SLIT3: variants seen among roughly 807,000 people sequenced by gnomAD.
The protein encoded by SLIT3 is slit homolog 3 protein.
A neutral mutation model predicts 184.0 loss-of-function variants in SLIT3; 68 were observed. That is an observed-to-expected ratio of 0.37 (90% CI 0.30 to 0.45). The LOEUF (loss-of-function observed/expected upper bound fraction) is 0.45. Among genes scored for constraint, SLIT3 ranks in the 20% least tolerant of loss-of-function variants. The probability of loss-of-function intolerance (pLI) is 1.00; values close to 1 mark genes in which losing one functional copy is unlikely to be tolerated. For synonymous variants in SLIT3, 831 were observed against 828.6 expected (o/e 1.00, Z -0.05); for missense variants, 1,707 against 2,026.0 (o/e 0.84, Z 3.02).
At chr5:168,761,640 G>T (rs1345782461) in intron 15 of SLIT3, among the ~76,000 whole-genome samples, 1 of 152,148 alleles carries the variant, frequency 6.6e-6, no homozygotes, top group Non-Finnish European at 1.5e-5. Flanking sequence ...ATCTTAGGAA[G>T]CCTGCCAGAG....
chr5:169,110,452 G>A (rs1482115256), intron 4 of SLIT3, among the ~76,000 whole-genome samples: 1 of 152,106 alleles, frequency 6.6e-6, no homozygotes, highest in Non-Finnish European at 1.5e-5. Flanking sequence ...TCTGTTGCAG[G>A]CCTCTCTCCT....
chr5:169,146,999 C>G (rs552571471), intron 4 of SLIT3, among the ~76,000 whole-genome samples: 2 of 152,296 alleles, frequency 1.3e-5, no homozygotes, highest in Non-Finnish European at 2.9e-5. Flanking sequence ...AACTACTTAG[C>G]CTAGTGTCTG....
chr5:168,667,129 A>T (rs1275390573), intron 35 of SLIT3, among the ~76,000 whole-genome samples: 1 of 152,166 alleles, frequency 6.6e-6, no homozygotes, highest in African/African-American at 2.4e-5. Flanking sequence ...GAAAACAAGG[A>T]GGTCTGGCAG....
At chr5:169,160,317 C>T (rs1030757803) in intron 4 of SLIT3, among the ~76,000 whole-genome samples, 1 of 152,216 alleles carries the variant, frequency 6.6e-6, no homozygotes, top group Non-Finnish European at 1.5e-5. Flanking sequence ...TAAGGGCACA[C>T]ATCTCACCTG....
At chr5:169,263,863 G>A (rs1420529947) in intron 1 of SLIT3, among the ~76,000 whole-genome samples, 1 of 151,380 alleles carries the variant, frequency 6.6e-6, no homozygotes, top group African/African-American at 2.4e-5. Flanking sequence ...GTCTCCCAAA[G>A]GACCTTGAAG....
intron 4 of SLIT3, among the ~76,000 whole-genome samples, chr5:169,019,659 G>A (rs1432294611): frequency 6.6e-6 from 1 of 152,170 alleles, no homozygotes; most frequent in Non-Finnish European, 1.5e-5. Flanking sequence ...AAAATGAGCA[G>A]GGGAGCATAT....
At chr5:168,711,969 TATA>T (rs1028768830) in intron 24 of SLIT3, among the ~76,000 whole-genome samples, 1 of 152,194 alleles carries the variant, frequency 6.6e-6, no homozygotes, top group Non-Finnish European at 1.5e-5. Context: ...TGTTATTATA[TATA>T]ATAAAAGGAT....
chr5:169,090,639 G>T (rs1259000534), intron 4 of SLIT3, among the ~76,000 whole-genome samples: 1 of 152,202 alleles, frequency 6.6e-6, no homozygotes, highest in Non-Finnish European at 1.5e-5. Context: ...TGACTAAGAC[G>T]TGTTAAGGAT....
intron 1 of SLIT3, among the ~76,000 whole-genome samples, chr5:169,284,589 C>A (rs1449483067): frequency 6.6e-6 from 1 of 152,166 alleles, no homozygotes; most frequent in Non-Finnish European, 1.5e-5. Flanking sequence ...TTCACAATAA[C>A]CCTACAAGAC....
At chr5:168,906,594 C>G (rs13176886) in intron 4 of SLIT3, among the ~76,000 whole-genome samples, 60,263 of 152,022 alleles carry the variant, frequency 0.4, 13,755 homozygotes, top group East Asian at 0.63. Context: ...GTTACCTCTA[C>G]GTGGATAAGT....
chr5:169,223,954 T>C (rs1442527474), intron 3 of SLIT3, among the ~76,000 whole-genome samples: 1 of 152,198 alleles, frequency 6.6e-6, no homozygotes, highest in African/African-American at 2.4e-5. Context: ...CTAGAGGCTG[T>C]GTACAAGGTA....
chr5:168,714,677 G>C (rs2113339866), intron 23 of SLIT3, among the ~76,000 whole-genome samples: 1 of 152,232 alleles, frequency 6.6e-6, no homozygotes, highest in African/African-American at 2.4e-5. Context: ...TCTCCATCCT[G>C]GTTTGGCCCC....
At chr5:169,087,958 C>T (rs1266847860) in intron 4 of SLIT3, among the ~76,000 whole-genome samples, 1 of 152,202 alleles carries the variant, frequency 6.6e-6, no homozygotes, top group African/African-American at 2.4e-5. Flanking sequence ...CTACTTTCCT[C>T]CGTTCTCTTT....
intron 4 of SLIT3, among the ~76,000 whole-genome samples, chr5:168,893,456 A>AT (rs1318322525): frequency 6.6e-6 from 1 of 152,120 alleles, no homozygotes; most frequent in Non-Finnish European, 1.5e-5. Flanking sequence ...ATCCAGTAGC[A>AT]TGTCTAATGC....
intron 5 of SLIT3, chr5:168,844,870 C>CA (rs1374841655): frequency 1.3e-5 from 6 of 469,504 alleles, no homozygotes; most frequent in Non-Finnish European, 2.3e-5. Context: ...AAAAGGCTGT[C>CA]AGGTCTCAGT....
chr5:169,005,850 G>C (rs1052381096), intron 4 of SLIT3, among the ~76,000 whole-genome samples: 1 of 152,230 alleles, frequency 6.6e-6, no homozygotes, highest in African/African-American at 2.4e-5. Flanking sequence ...AGGCTTCAAA[G>C]GCAACCTATG....
At chr5:168,882,683 G>A (rs973841456) in intron 5 of SLIT3, among the ~76,000 whole-genome samples, 3 of 151,948 alleles carry the variant, frequency 2.0e-5, no homozygotes, top group South Asian at 4.2e-4. Context: ...AACTTCCTGC[G>A]AATCAAAAAT....
intron 4 of SLIT3, among the ~76,000 whole-genome samples, chr5:168,952,528 C>CAAAAAAAAAAAA (rs372134778): frequency 5.1e-5 from 4 of 77,930 alleles, no homozygotes; most frequent in African/African-American, 1.8e-4. Flanking sequence ...GGGAAAATGC[C>CAAAAAAAAAAAA]AAAAAAAAAA....
At chr5:168,712,233 T>C (rs774717885) in intron 24 of SLIT3, 50 bp downstream of exon 24, 1 of 1,522,210 alleles carries the variant, frequency 6.6e-7, no homozygotes, top group Non-Finnish European at 9.1e-7. Flanking sequence ...GCTGACACTT[T>C]CATGCTTTCA....
Sources: gnomAD v4.1 joint callset for allele counts (sites outside exome capture counted in the v4.1 genomes callset) on GRCh38, gnomAD v4.1.1 for gene constraint, MANE v1.5 for transcripts, NCBI Gene and HGNC (gene_info 2026-07-23, HGNC 2026-07-21) for gene names.